EPC2: variants seen among roughly 807,000 people sequenced by gnomAD.
EPC2 encodes the protein enhancer of polycomb homolog 2.
Under a neutral mutation model 92.1 loss-of-function variants are expected in EPC2, and 14 were observed. The ratio of observed to expected loss-of-function variants is 0.15; its 90% CI spans 0.10 to 0.24. EPC2 has a LOEUF of 0.24. Among genes scored for constraint, EPC2 ranks in the 10% least tolerant of loss-of-function variants. The pLI is 1.00. For synonymous variants in EPC2, 340 were observed against 334.7 expected, an observed-to-expected ratio of 1.02 and a Z score of -0.17; for missense variants, 755 against 971.5, an observed-to-expected ratio of 0.78 and a Z score of 2.96.
At chr2:148,768,640 G>C (rs1271110497) in intron 7 of EPC2, among the ~76,000 whole-genome samples, 1 of 152,174 alleles carries the variant, frequency 6.6e-6, no homozygotes, top group Admixed American at 6.5e-5. Flanking sequence ...GGAGATACAA[G>C]ACTTTCCTTT....
intron 1 of EPC2, among the ~76,000 whole-genome samples, chr2:148,688,046 T>C (rs2105370224): frequency 6.6e-6 from 1 of 152,164 alleles, no homozygotes; most frequent in South Asian, 2.1e-4. Context: ...TTTTGTATAA[T>C]AACATTTCAC....
chr2:148,674,376 C>CAGAATT (rs140163575), intron 1 of EPC2, among the ~76,000 whole-genome samples: 2,732 of 152,274 alleles, frequency 0.018, 71 homozygotes, highest in African/African-American at 0.061. Context: ...GTCAGGAAGA[C>CAGAATT]AGAATTAGTC....
intron 2 of EPC2, among the ~76,000 whole-genome samples, chr2:148,720,702 A>G (rs1682353426): frequency 6.6e-6 from 1 of 152,108 alleles, no homozygotes; most frequent in Admixed American, 6.5e-5. Context: ...TGGGTCGCAT[A>G]ATCACTCATC....
At chr2:148,645,484 C>CT (rs1354876667) in intron 1 of EPC2, 1 of 325,208 alleles carries the variant, frequency 3.1e-6, no homozygotes, top group African/African-American at 2.2e-5. Context: ...CGTACGGTCT[C>CT]TGTTTACCTT....
intron 12 of EPC2, among the ~76,000 whole-genome samples, chr2:148,784,294 GT>G (rs1683816662): frequency 6.6e-6 from 1 of 152,254 alleles, no homozygotes; most frequent in Non-Finnish European, 1.5e-5. Context: ...GGATTTTCCA[GT>G]TGCTTTTATA....
At chr2:148,732,958 TTTTTTTTTC>T (rs952335225) in intron 2 of EPC2, among the ~76,000 whole-genome samples, 3 of 147,950 alleles carry the variant, frequency 2.0e-5, no homozygotes, top group African/African-American at 5.0e-5. Flanking sequence ...TTTTTTTTTT[TTTTTTTTTC>T]CAGTTAATAA....
intron 1 of EPC2, among the ~76,000 whole-genome samples, chr2:148,670,786 C>T (rs1681139737): frequency 6.6e-6 from 1 of 152,090 alleles, no homozygotes; most frequent in South Asian, 2.1e-4. Flanking sequence ...TTTCTGCAGC[C>T]TCAACTTCCA....
At chr2:148,647,712 A>C (rs1216361492) in intron 1 of EPC2, among the ~76,000 whole-genome samples, 12 of 146,054 alleles carry the variant, frequency 8.2e-5, no homozygotes, top group African/African-American at 3.1e-4. Context: ...AGCTCACTGC[A>C]ACCTTCGCCT....
At chr2:148,726,440 T>C (rs1682495187) in intron 2 of EPC2, among the ~76,000 whole-genome samples, 1 of 152,186 alleles carries the variant, frequency 6.6e-6, no homozygotes, top group South Asian at 2.1e-4. Context: ...GTGCACAGTT[T>C]CACTTTCTCC....
intron 1 of EPC2, among the ~76,000 whole-genome samples, chr2:148,685,798 C>T (rs1681507465): frequency 6.6e-6 from 1 of 152,130 alleles, no homozygotes; most frequent in Non-Finnish European, 1.5e-5. Flanking sequence ...AAAAGTTATG[C>T]TTATACTATA....
intron 1 of EPC2, among the ~76,000 whole-genome samples, chr2:148,682,280 C>T (rs993106900): frequency 1.3e-5 from 2 of 152,148 alleles, no homozygotes; most frequent in African/African-American, 4.8e-5. Flanking sequence ...AGTTCTAGAT[C>T]CTTGAGGAAT....
At chr2:148,741,635 G>A (rs967777047) in intron 2 of EPC2, among the ~76,000 whole-genome samples, 5 of 152,118 alleles carry the variant, frequency 3.3e-5, no homozygotes, top group African/African-American at 4.8e-5. Flanking sequence ...TTTACACATC[G>A]CTGCACAGAC....
intron 1 of EPC2, chr2:148,645,372 C>T (rs1047320028): frequency 9.3e-6 from 5 of 535,110 alleles, no homozygotes; most frequent in Non-Finnish European, 1.0e-5. Flanking sequence ...TGTTGCGTCC[C>T]AGTGTTGTGA....
At chr2:148,702,066 A>G (rs1456505760) in intron 2 of EPC2, among the ~76,000 whole-genome samples, 1 of 150,572 alleles carries the variant, frequency 6.6e-6, no homozygotes, top group Non-Finnish European at 1.5e-5. Flanking sequence ...GATGACCACT[A>G]TTTCATTTTT....
intron 1 of EPC2, among the ~76,000 whole-genome samples, chr2:148,688,343 A>C (rs1346956986): frequency 2.6e-5 from 4 of 152,062 alleles, no homozygotes; most frequent in African/African-American, 7.2e-5. Flanking sequence ...GCTCACTCAT[A>C]GGTGGGAATT....
At chr2:148,682,686 A>G (rs1202144270) in intron 1 of EPC2, among the ~76,000 whole-genome samples, 1 of 151,650 alleles carries the variant, frequency 6.6e-6, no homozygotes, top group East Asian at 1.9e-4. Context: ...CTCTCACTGT[A>G]TTTTCATTTT....
chr2:148,691,643 G>A (rs1421358969), intron 2 of EPC2: 18 of 1,544,508 alleles, frequency 1.2e-5, no homozygotes, highest in African/African-American at 1.4e-5. Flanking sequence ...ACTACCAACC[G>A]GAGACCACGT....
At chr2:148,652,895 T>C (rs1314716244) in intron 1 of EPC2, among the ~76,000 whole-genome samples, 2 of 152,230 alleles carry the variant, frequency 1.3e-5, no homozygotes. Flanking sequence ...TTCACTTTAC[T>C]AGGCTTACTC....
At position 148,783,754 on chromosome 2, in the gene EPC2, C is replaced by T. The variant is rs1319093748; in HGVS notation, c.2015C>T (p.Ser672Leu). The change falls in exon 12 of 14, where the codon TCA becomes TTA. Residue 672 changes from serine (S) to leucine (L), a missense_variant and splice_region_variant. Ser to Leu is a moderately radical substitution (Grantham distance 145). This residue lies in a region of EPC2 where 207 missense variants were observed against 260.5 expected (regional missense o/e 0.79). Transcript: ENST00000258484. Reference sequence around the variant, plus strand: ...AACATAAACGGTGTTGTCCAGCCTTCAGGTACAGCTGGGGTTTCACATGGT... The same window carrying T: ...AACATAAACGGTGTTGTCCAGCCTTTAGGTACAGCTGGGGTTTCACATGGT... Reference protein sequence around the residue: ...HNNINGVVQPSGTSKTLYSTN... With the variant: ...HNNINGVVQPLGTSKTLYSTN... The T allele has an allele frequency of 1.3e-6, 2 of 1,588,738 alleles. No individual in the cohort carries two copies.
Sources: gnomAD v4.1 joint callset for allele counts (sites outside exome capture counted in the v4.1 genomes callset) on GRCh38, gnomAD v4.1.1 for gene constraint, gnomAD v4.1.1 regional missense constraint, MANE v1.5 for transcripts, NCBI Gene and HGNC (gene_info 2026-07-23, HGNC 2026-07-21) for gene names.